Variants in NT5DC3 observed in about 807,000 individuals in gnomAD.
NT5DC3 encodes 5'-nucleotidase domain containing 3.
Under a neutral mutation model 67.8 loss-of-function variants are expected in NT5DC3, and 42 were observed. That is an observed-to-expected ratio of 0.62 (90% CI 0.48 to 0.80). The LOEUF (loss-of-function observed/expected upper bound fraction) is 0.80, where lower values mean the gene tolerates loss of function less well. NT5DC3 is among the 30% of genes least tolerant of loss of function. The pLI is 0.00. For synonymous variants in NT5DC3, 237 were observed against 255.6 expected (o/e 0.93, Z 0.69); for missense variants, 570 against 696.4 (o/e 0.82, Z 2.04).
chr12:103,841,174 G>A lies in NT5DC3; in HGVS notation c.-18C>T. 3.1e-6 allele frequency: 2 copies of A among 646,328 alleles called. No individual in the cohort carries two copies. The highest frequency in any genetic ancestry group is 2.0e-5 in the South Asian group (1 of 51,070). 40.0% of individuals were successfully genotyped at this position (646,328 alleles called of 1,614,324 possible). A position where few individuals can be genotyped will look rare whatever the true frequency, so the allele number is the denominator to read the frequency against. On this transcript the variant is annotated 5_prime_UTR_variant, in exon 1 of 14. Coordinates refer to ENST00000392876, the MANE Select transcript of NT5DC3 (RefSeq NM_001031701.3). ...ATGGTCATGCCTGCTGCCTGCTGCC[G>A]CCACCGCCGCCGCGCCGCTCTGCGA...
the NT5DC3 span, among the ~76,000 whole-genome samples, chr12:103,749,841 C>CAAAAAAAAAAAAA: frequency 6.3e-4 from 32 of 51,156 alleles, 1 homozygote; most frequent in East Asian, 2.5e-3. Context: ...CTCTGTCTCA[C>CAAAAAAAAAAAAA]AAAAAAAAAA....
At chr12:103,748,183 A>G in the NT5DC3 span, among the ~76,000 whole-genome samples, 23 of 152,336 alleles carry the variant, frequency 1.5e-4, no homozygotes, top group African/African-American at 5.5e-4. Context: ...AAGGCATTCC[A>G]GAAGTGAGTC....
the NT5DC3 span, chr12:103,746,539 A>G: frequency 1.3e-6 from 2 of 1,539,490 alleles, no homozygotes; most frequent in East Asian, 2.3e-5. Flanking sequence ...GTCTCCTTAG[A>G]TGGGTTTTAA....
At chr12:103,770,120 T>C (rs11111760), downstream of NT5DC3, among the ~76,000 whole-genome samples, 39,239 of 152,070 alleles carry the variant, frequency 0.26, 5,550 homozygotes, top group African/African-American at 0.36. Flanking sequence ...CCTCACACGA[T>C]TTTTTTTAAT....
chr12:103,812,916 C>T (rs1192762091), intron 2 of NT5DC3, among the ~76,000 whole-genome samples: 1 of 152,218 alleles, frequency 6.6e-6, no homozygotes, highest in Non-Finnish European at 1.5e-5. Context: ...ACCACAGTGA[C>T]TGTGAGGAAA....
chr12:103,793,213 C>A lies in NT5DC3; in HGVS notation c.970G>T (p.Val324Leu). The A allele has an allele frequency of 6.2e-7, 1 of 1,609,230 alleles. No homozygotes were observed. Among genetic ancestry groups the A allele is most frequent in the Non-Finnish European group, 8.5e-7 (1 of 1,179,008 alleles). The change falls in exon 9 of 14, where the codon GTG becomes TTG. Residue 324 changes from valine (V) to leucine (L), a missense_variant. Around this residue, in one of 2 missense-constraint regions of NT5DC3, gnomAD observed 466 missense variants for 608.0 expected, o/e 0.77. Transcript: ENST00000392876. ...VGKDWRDLFD[V>L]VIVQAEKPNF... is the part of the protein sequence containing the mutation. ...GGCTTCTCAGCCTGAACAATGACCA[C>A]ATCGAACAGGTCCCTCCAGTCTTTC... is the stretch of plus-strand genomic sequence containing the variant.
rs373313523 is a variant in NT5DC3, at chr12:103,832,046, G to C, written c.208+8903C>G. On this transcript the variant is annotated intron_variant, in intron 1 of 13. Coordinates refer to ENST00000392876, the MANE Select transcript of NT5DC3 (RefSeq NM_001031701.3). ...CCCACCTCGGCTTCCCAAAGCTCTG[G>C]GATTACAGGCCTGAGCCACCACGCC... Among the ~76,000 whole-genome samples, 5 of 151,854 alleles carry C rather than the reference G, an allele frequency of 3.3e-5. No individual in the cohort carries two copies. In the East Asian group the frequency reaches 9.7e-4, roughly 29 times the overall value.
intron 12 of NT5DC3, among the ~76,000 whole-genome samples, chr12:103,781,506 G>A (rs1402395545): frequency 6.6e-6 from 1 of 152,184 alleles, no homozygotes; most frequent in East Asian, 1.9e-4. Context: ...CCTGCTGGCT[G>A]CCCTGCCATG....
intron 6 of NT5DC3, 107 bp from the exon 7 acceptor site, chr12:103,794,104 C>T: frequency 1.3e-6 from 1 of 765,072 alleles, no homozygotes; most frequent in Non-Finnish European, 2.3e-6. Flanking sequence ...GAAAGTCTGA[C>T]AATCCAGGCC....
intron 13 of NT5DC3, 70 bp from the exon 14 acceptor site, chr12:103,778,151 T>A (rs1885406550): frequency 5.0e-6 from 7 of 1,406,476 alleles, no homozygotes; most frequent in Non-Finnish European, 6.7e-6. Context: ...ACTACTGAAA[T>A]CAAAATCACT....
chr12:103,793,036 G>T, intron 9 of NT5DC3, 128 bp downstream of exon 9: 1 of 722,426 alleles, frequency 1.4e-6, no homozygotes, highest in Non-Finnish European at 2.4e-6. Context: ...TGCTAGAAGG[G>T]TTAAAATTCA....
At chr12:103,834,524 G>T (rs969067559) in intron 1 of NT5DC3, among the ~76,000 whole-genome samples, 1 of 151,990 alleles carries the variant, frequency 6.6e-6, no homozygotes, top group Admixed American at 6.6e-5. Context: ...AAAAAAGGAG[G>T]GTAGGTAAAT....
At chr12:103,839,111 A>G (rs1216006951) in intron 1 of NT5DC3, among the ~76,000 whole-genome samples, 1 of 152,248 alleles carries the variant, frequency 6.6e-6, no homozygotes, top group Non-Finnish European at 1.5e-5. Context: ...ATGTGCACAC[A>G]CAAGTACAAA....
At chr12:103,769,758 G>A (rs76583723), downstream of NT5DC3, among the ~76,000 whole-genome samples, 673 of 152,350 alleles carry the variant, frequency 4.4e-3, 23 homozygotes, top group East Asian at 0.092. Context: ...CTTGTCTTAC[G>A]AGCAGGGAGG....
chr12:103,781,499 G>T (rs147932095), intron 12 of NT5DC3, among the ~76,000 whole-genome samples: 7 of 152,188 alleles, frequency 4.6e-5, no homozygotes, highest in Non-Finnish European at 1.0e-4. Flanking sequence ...GGGGCGCCCT[G>T]CTGGCTGCCC....
chr12:103,796,849 G>A, intron 6 of NT5DC3, 45 bp downstream of exon 6: 2 of 1,608,550 alleles, frequency 1.2e-6, no homozygotes, highest in Non-Finnish European at 1.7e-6. Flanking sequence ...CCACTGAAAA[G>A]GCTGAAACAG....
At chr12:103,766,720 G>C (rs1351190135), downstream of NT5DC3, 2 of 180,822 alleles carry the variant, frequency 1.1e-5, no homozygotes, top group Non-Finnish European at 2.4e-5. Context: ...CAGAAACAAA[G>C]TCAACAGAAC....
At chr12:103,803,869 C>CCA (rs1491092836) in intron 4 of NT5DC3, among the ~76,000 whole-genome samples, 42 of 98,494 alleles carry the variant, frequency 4.3e-4, no homozygotes, top group South Asian at 3.3e-3. Flanking sequence ...ACCCCCCCCC[C>CCA]AAAAAAATGT....
rs1418721092 is a variant in NT5DC3, at chr12:103,774,205, T to C, written c.*3624A>G. ...CCTGGACTCATCATTGTTCACATAA[T>C]TCTTAGAAAATCAGTCAAACAATAT... is the stretch of plus-strand genomic sequence containing the variant. On this transcript the variant is annotated 3_prime_UTR_variant, in exon 14 of 14. Coordinates refer to ENST00000392876, the MANE Select transcript of NT5DC3 (RefSeq NM_001031701.3). The C allele has an allele frequency of 6.6e-6, 1 of 152,262 alleles. No individual in the cohort carries two copies. The highest frequency in any genetic ancestry group is 1.5e-5 in the Non-Finnish European group (1 of 68,042). The allele number at this position is 152,262 out of a possible 1,614,324, so 9.4% of individuals were successfully genotyped here.
Sources: allele counts gnomAD v4.1 joint callset (sites outside exome capture counted in the v4.1 genomes callset), GRCh38; gene constraint gnomAD v4.1.1; regional missense constraint gnomAD v4.1.1; transcripts MANE v1.5; gene names NCBI Gene and HGNC (gene_info 2026-07-23, HGNC 2026-07-21).